Variants in MECOM observed in about 807,000 individuals in gnomAD.
MECOM encodes the protein MDS1 and EVI1 complex locus.
MECOM carries 13 observed loss-of-function variants against 116.3 expected under a neutral mutation model. The ratio of observed to expected loss-of-function variants is 0.11; its 90% CI spans 0.07 to 0.18. The LOEUF (loss-of-function observed/expected upper bound fraction) is 0.18, where lower values mean the gene tolerates loss of function less well. MECOM is among the 10% of genes least tolerant of loss of function. MECOM has a pLI of 1.00. For missense variants in MECOM, 1,299 were observed against 1,509.0 expected (o/e 0.86, Z 2.31); for synonymous variants, 528 against 535.2 (o/e 0.99, Z 0.19).
At chr3:169,324,683 C>A (rs2149759785) in intron 2 of MECOM, among the ~76,000 whole-genome samples, 1 of 152,350 alleles carries the variant, frequency 6.6e-6, no homozygotes, top group East Asian at 1.9e-4. Flanking sequence ...TCCGTGTCAC[C>A]TTATTCTGTC....
At chr3:169,403,906 A>G (rs994067100) in intron 1 of MECOM, among the ~76,000 whole-genome samples, 1 of 152,218 alleles carries the variant, frequency 6.6e-6, no homozygotes, top group Non-Finnish European at 1.5e-5. Flanking sequence ...ATTTAGATTT[A>G]TAAGTTTGGT....
intron 1 of MECOM, among the ~76,000 whole-genome samples, chr3:169,394,923 G>T (rs960623154): frequency 1.3e-5 from 2 of 152,160 alleles, no homozygotes; most frequent in East Asian, 3.8e-4. Flanking sequence ...ATAGCTTAAA[G>T]GGTCAAATGA....
At chr3:169,591,999 G>A (rs1766474095) in intron 1 of MECOM, among the ~76,000 whole-genome samples, 1 of 152,138 alleles carries the variant, frequency 6.6e-6, no homozygotes, top group Admixed American at 6.5e-5. Context: ...AAACTGAAAT[G>A]ATGTGGCTGT....
At chr3:169,319,425 G>A (rs759574385) in intron 2 of MECOM, among the ~76,000 whole-genome samples, 6 of 152,102 alleles carry the variant, frequency 3.9e-5, no homozygotes, top group Non-Finnish European at 7.4e-5. Flanking sequence ...GGCCTGTCAG[G>A]GGGTGGGGGG....
chr3:169,541,416 C>T (rs564928650), intron 1 of MECOM, among the ~76,000 whole-genome samples: 1 of 152,220 alleles, frequency 6.6e-6, no homozygotes, highest in South Asian at 2.1e-4. Flanking sequence ...TGTAACCCTT[C>T]CTCAGTTGGA....
chr3:169,166,232 C>T (rs1364229204), intron 2 of MECOM, among the ~76,000 whole-genome samples: 1 of 152,058 alleles, frequency 6.6e-6, no homozygotes, highest in Non-Finnish European at 1.5e-5. Context: ...TGTGTGGTGG[C>T]TGTAGAAAAC....
chr3:169,476,249 A>G (rs571680598), intron 1 of MECOM, among the ~76,000 whole-genome samples: 1 of 152,362 alleles, frequency 6.6e-6, no homozygotes, highest in South Asian at 2.1e-4. Flanking sequence ...TTCATAATGT[A>G]TTACACAATT....
chr3:169,538,823 C>T (rs78619080), intron 1 of MECOM, among the ~76,000 whole-genome samples: 7,715 of 152,066 alleles, frequency 0.051, 450 homozygotes, highest in East Asian at 0.33. Context: ...TATTCTCTTG[C>T]CACCCACCAA....
In MECOM at chr3:169,378,501, GAAAGAAAGAAAGAAAAGAAAGAAAGAA is replaced by G. The variant is rs1731684972; in HGVS notation, c.375+2659_375+2685del. ...AGAAAGAGAGAGAGAAAGAAAGAAAGAAAGAAAGAAAGAAAAGAAAGAAAGAAAGAAAGAAAGAAAGAAAGAAAGAAA... is the reference window on the plus strand; with the variant it reads ...AGAAAGAGAGAGAGAAAGAAAGAAAGAGAAAGAAAGAAAGAAAGAAAGAAA... On this transcript the variant is annotated intron_variant, in intron 2 of 16. Transcript: ENST00000651503. 1.1e-4 allele frequency among the ~76,000 whole-genome samples: 3 copies of G among 27,684 alleles called. 1 individual carries two copies. Among genetic ancestry groups the G allele is most frequent in the African/African-American group, 9.7e-4 (3 of 3,082 alleles). The allele number at this position is 27,684 out of a possible 152,430, so 18.2% of individuals were successfully genotyped here.
At chr3:169,549,396 T>C (rs543682586) in intron 1 of MECOM, among the ~76,000 whole-genome samples, 1 of 143,720 alleles carries the variant, frequency 7.0e-6, no homozygotes, top group African/African-American at 2.5e-5. Flanking sequence ...AGTTTCACTG[T>C]AAGTAAAGAA....
intron 1 of MECOM, among the ~76,000 whole-genome samples, chr3:169,489,931 T>C (rs140834567): frequency 6.6e-6 from 1 of 152,278 alleles, no homozygotes; most frequent in East Asian, 1.9e-4. Flanking sequence ...TTAAGCAAAG[T>C]TCGCCATTAA....
rs35507790 is a variant in MECOM, at chr3:169,090,250, TA to T, written c.3165-15del. 1.1e-4 allele frequency: 168 copies of T among 1,542,392 alleles called. No homozygotes were observed. The highest frequency in any genetic ancestry group is 2.7e-4 in the Admixed American group (13 of 48,968). On this transcript the variant is annotated splice_polypyrimidine_tract_variant and intron_variant, in intron 14 of 16. Transcript: ENST00000651503. ...CTGCCATTCATTCTTTCAAAAGCAT[TA>T]AAAAAAAAGTCCAATTGTTGGTTTC...
chr3:169,436,438 C>T (rs957099080), intron 1 of MECOM, among the ~76,000 whole-genome samples: 1 of 151,814 alleles, frequency 6.6e-6, no homozygotes, highest in Non-Finnish European at 1.5e-5. Flanking sequence ...TCATTAGAGA[C>T]GGGGTTTCTC....
intron 1 of MECOM, among the ~76,000 whole-genome samples, chr3:169,499,320 T>G: frequency 9.1e-6 from 1 of 110,234 alleles, no homozygotes. Context: ...ATCTTAAGCT[T>G]GCAGAGAGAA....
At chr3:169,289,886 G>A (rs575872081) in intron 2 of MECOM, among the ~76,000 whole-genome samples, 25 of 152,294 alleles carry the variant, frequency 1.6e-4, no homozygotes, top group African/African-American at 5.5e-4. Flanking sequence ...GTTAAACCCT[G>A]TTGAAGTCAT....
Position 169,313,125 on chromosome 3 carries a change from AAAAG to A in MECOM, c.375+68058_375+68061del, listed in dbSNP as rs1035094803. ...AACTCAAGCAACTAGAGTTTTTCAA[AAAAG>A]AAAGAAAGAAAGAAATGAATAACTG... On this transcript the variant is annotated intron_variant, in intron 2 of 16. Transcript: ENST00000651503. 1.7e-4 allele frequency among the ~76,000 whole-genome samples: 26 copies of A among 152,362 alleles called. No homozygotes were observed. In the East Asian group the frequency reaches 4.0e-3, roughly 24 times the overall value.
chr3:169,662,145 T>C (rs960508345), intron 1 of MECOM, among the ~76,000 whole-genome samples: 6 of 152,178 alleles, frequency 3.9e-5, no homozygotes, highest in African/African-American at 1.4e-4. Context: ...TCCAACACTT[T>C]TGCTGTAAGA....
At chr3:169,648,067 G>A in intron 1 of MECOM, among the ~76,000 whole-genome samples, 1 of 152,274 alleles carries the variant, frequency 6.6e-6, no homozygotes, top group Non-Finnish European at 1.5e-5. Context: ...TTCCTCTTAG[G>A]AAAGTTATTA....
chr3:169,514,717 C>T (rs1381400943), intron 1 of MECOM, among the ~76,000 whole-genome samples: 1 of 152,180 alleles, frequency 6.6e-6, no homozygotes, highest in African/African-American at 2.4e-5. Flanking sequence ...TAAATACCAG[C>T]CACATAGCAG....
Sources: gnomAD v4.1 joint callset for allele counts (sites outside exome capture counted in the v4.1 genomes callset) on GRCh38, gnomAD v4.1.1 for gene constraint, MANE v1.5 for transcripts, NCBI Gene and HGNC (gene_info 2026-07-23, HGNC 2026-07-21) for gene names.